CACNG2: variants seen among roughly 807,000 people sequenced by gnomAD.
CACNG2 encodes voltage-dependent calcium channel gamma-2 subunit.
Under a neutral mutation model 25.9 loss-of-function variants are expected in CACNG2, and 3 were observed. The observed-to-expected ratio is 0.12, with a 90% CI of 0.05 to 0.30. CACNG2 has a LOEUF of 0.30. Ranked by LOEUF, CACNG2 falls within the 10% of genes least tolerant of loss-of-function variation. The pLI, the probability that CACNG2 is intolerant of heterozygous loss-of-function variation, is 1.00. For missense variants in CACNG2, 341 were observed against 432.5 expected, an observed-to-expected ratio of 0.79 and a Z score of 1.88; for synonymous variants, 167 against 173.3, an observed-to-expected ratio of 0.96 and a Z score of 0.29.
intron 1 of CACNG2, among the ~76,000 whole-genome samples, chr22:36,672,106 C>A (rs1936959407): frequency 6.6e-6 from 1 of 152,076 alleles, no homozygotes; most frequent in African/African-American, 2.4e-5. Context: ...GTTGCTATAG[C>A]TACACAGATT....
chr22:36,576,832 G>A (rs1002763579), intron 2 of CACNG2, among the ~76,000 whole-genome samples: 12 of 152,138 alleles, frequency 7.9e-5, no homozygotes, highest in African/African-American at 2.9e-4. Context: ...GGGTGGTTGT[G>A]AAGATGAATT....
At chr22:36,614,629 A>G (rs2145944199) in intron 1 of CACNG2, among the ~76,000 whole-genome samples, 1 of 152,320 alleles carries the variant, frequency 6.6e-6, no homozygotes, top group South Asian at 2.1e-4. Context: ...AGCACCATCC[A>G]GCCCCGGGTC....
chr22:36,658,141 A>G (rs1601440486), intron 1 of CACNG2, among the ~76,000 whole-genome samples: 1 of 152,344 alleles, frequency 6.6e-6, no homozygotes, highest in East Asian at 1.9e-4. Context: ...TTAAGAAACC[A>G]ATCTGGGAAA....
chr22:36,645,536 C>CAAAAAAAAAAAAAAAA (rs200600420), intron 1 of CACNG2, among the ~76,000 whole-genome samples: 3 of 134,758 alleles, frequency 2.2e-5, no homozygotes, highest in African/African-American at 8.3e-5. Context: ...GACTCTGTCT[C>CAAAAAAAAAAAAAAAA]AAAAAAAAAA....
At chr22:36,697,449 A>G (rs532078112) in intron 1 of CACNG2, among the ~76,000 whole-genome samples, 3 of 152,342 alleles carry the variant, frequency 2.0e-5, no homozygotes, top group South Asian at 2.1e-4. Context: ...CAGAGGGCAC[A>G]TGATAGGGGG....
intron 2 of CACNG2, among the ~76,000 whole-genome samples, chr22:36,575,937 G>A (rs1935305266): frequency 6.6e-6 from 1 of 152,230 alleles, no homozygotes; most frequent in Non-Finnish European, 1.5e-5. Context: ...ACAGTCTACA[G>A]TCACAGACCT....
intron 1 of CACNG2, among the ~76,000 whole-genome samples, chr22:36,690,935 G>T (rs2146014114): frequency 6.6e-6 from 1 of 152,294 alleles, no homozygotes; most frequent in South Asian, 2.1e-4. Flanking sequence ...TGGGGCCTCT[G>T]CCCAATCTCA....
chr22:36,679,464 G>A (rs916402247), intron 1 of CACNG2, among the ~76,000 whole-genome samples: 6 of 151,978 alleles, frequency 3.9e-5, no homozygotes, highest in Middle Eastern at 3.2e-3. Flanking sequence ...AAATAAATAC[G>A]TTTCAATGAT....
chr22:36,602,411 A>T (rs1935767482), intron 1 of CACNG2, among the ~76,000 whole-genome samples: 1 of 152,012 alleles, frequency 6.6e-6, no homozygotes, highest in African/African-American at 2.4e-5. Context: ...TTTGAGACAG[A>T]ATCTTGCTCT....
chr22:36,618,374 C>A (rs1936054132), intron 1 of CACNG2, among the ~76,000 whole-genome samples: 1 of 119,626 alleles, frequency 8.4e-6, no homozygotes, highest in Non-Finnish European at 1.7e-5. Context: ...TCCTTGCTGC[C>A]CTTACATGAG....
rs186881983 is a variant in CACNG2, at chr22:36,643,303, T to C, written c.212-55755A>G. 1.5e-3 allele frequency among the ~76,000 whole-genome samples: 233 copies of C among 151,820 alleles called. 1 individual carries two copies. Among genetic ancestry groups the C allele is most frequent in the African/African-American group, 5.4e-3 (223 of 41,372 alleles). The stretch of plus-strand genomic sequence containing the variant: ...TCCTCCCTTCCTCCCTTCCTTTTCT[T>C]CCTTCCTTCTCTCTCTCTTTCTCTG... On this transcript the variant is annotated intron_variant, in intron 1 of 3. Transcript: ENST00000300105.
chr22:36,623,559 G>C (rs979386169), intron 1 of CACNG2, among the ~76,000 whole-genome samples: 2 of 152,158 alleles, frequency 1.3e-5, no homozygotes, highest in Non-Finnish European at 2.9e-5. Context: ...TGAGCACCAA[G>C]TGAGTTAGTA....
intron 1 of CACNG2, among the ~76,000 whole-genome samples, chr22:36,646,396 G>A (rs1301443403): frequency 1.3e-5 from 2 of 152,304 alleles, no homozygotes; most frequent in East Asian, 3.9e-4. Context: ...AGCTGTTCAA[G>A]TGGTGATGAA....
chr22:36,574,441 C>T (rs1397392872), intron 2 of CACNG2, among the ~76,000 whole-genome samples: 6 of 152,088 alleles, frequency 3.9e-5, no homozygotes, highest in Admixed American at 1.3e-4. Flanking sequence ...GTGGAAAAAA[C>T]CACTTAGGGG....
At chr22:36,693,093 C>T (rs1234360257) in intron 1 of CACNG2, among the ~76,000 whole-genome samples, 1 of 152,118 alleles carries the variant, frequency 6.6e-6, no homozygotes, top group African/African-American at 2.4e-5. Context: ...CTGCAGTGAG[C>T]CAAGATTGCA....
intron 1 of CACNG2, among the ~76,000 whole-genome samples, chr22:36,646,340 T>G (rs1311521092): frequency 6.6e-6 from 1 of 152,158 alleles, no homozygotes; most frequent in Non-Finnish European, 1.5e-5. Context: ...TCACTGGAAT[T>G]AAAATTTAGC....
intron 2 of CACNG2, among the ~76,000 whole-genome samples, chr22:36,567,679 G>A (rs1014676862): frequency 3.3e-5 from 5 of 152,074 alleles, no homozygotes; most frequent in Non-Finnish European, 5.9e-5. Flanking sequence ...GGACCCAGAG[G>A]TGTTGGGGAG....
intron 1 of CACNG2, among the ~76,000 whole-genome samples, chr22:36,695,984 G>A (rs538449035): frequency 3.9e-5 from 6 of 152,280 alleles, no homozygotes; most frequent in East Asian, 1.9e-4. Context: ...TGCCTATTGC[G>A]TTTGAATATG....
intron 1 of CACNG2, among the ~76,000 whole-genome samples, chr22:36,599,385 G>A (rs1935721659): frequency 6.6e-6 from 1 of 152,134 alleles, no homozygotes; most frequent in Non-Finnish European, 1.5e-5. Flanking sequence ...GTCAAGCAAG[G>A]GAATGATAAA....
Sources: allele counts gnomAD v4.1 joint callset (sites outside exome capture counted in the v4.1 genomes callset), GRCh38; gene constraint gnomAD v4.1.1; transcripts MANE v1.5; gene names NCBI Gene and HGNC (gene_info 2026-07-23, HGNC 2026-07-21).